PDK3: variants seen among roughly 807,000 people sequenced by gnomAD.
The protein encoded by PDK3 is pyruvate dehydrogenase kinase 3.
In PDK3, 12 loss-of-function variants were observed where a neutral mutation model predicts 32.0. That is an observed-to-expected ratio of 0.37 (90% CI 0.24 to 0.61). PDK3 has a LOEUF of 0.61. Ranked by LOEUF, PDK3 falls within the 20% of genes least tolerant of loss-of-function variation. The pLI is 0.65. For missense variants in PDK3, 188 were observed against 316.9 expected (o/e 0.59, Z 3.09); for synonymous variants, 122 against 116.3 (o/e 1.05, Z -0.31).
At chrX:24,467,040 C>T (rs1940070986) in intron 1 of PDK3, among the ~76,000 whole-genome samples, 1 of 111,961 alleles carries the variant, frequency 8.9e-6, no homozygotes, top group Non-Finnish European at 1.9e-5. Context: ...CTCCAATAGC[C>T]AGCCAAAATT....
chrX:24,493,415 G>A (rs1181217671), intron 1 of PDK3, among the ~76,000 whole-genome samples: 1 of 111,580 alleles, frequency 9.0e-6, no homozygotes, highest in Admixed American at 9.5e-5. Context: ...AATATGACTG[G>A]AAGTGTTAGA....
chrX:24,510,318 A>G (rs761965556), intron 5 of PDK3, among the ~76,000 whole-genome samples: 1 of 112,511 alleles, frequency 8.9e-6, no homozygotes, highest in East Asian at 2.8e-4. Flanking sequence ...TAGTAATCAC[A>G]TTTTACGGTT....
exon 12 of PDK3, chrX:24,547,316 T>C (rs1434649817): frequency 1.8e-5 from 2 of 112,647 alleles, no homozygotes; most frequent in African/African-American, 6.4e-5. Flanking sequence ...AAAGTATTTC[T>C]CTGTTCTATA....
intron 5 of PDK3, among the ~76,000 whole-genome samples, chrX:24,515,426 C>A (rs1452234272): frequency 1.8e-5 from 2 of 112,316 alleles, no homozygotes; most frequent in African/African-American, 6.5e-5. Context: ...TGCTACTGGG[C>A]AAGCGAATTC....
chrX:24,539,185 T>C, downstream of PDK3: 1 of 1,074,032 alleles, frequency 9.3e-7, no homozygotes, highest in Non-Finnish European at 1.3e-6. Context: ...GCTGTGGTCC[T>C]CTCTGTGAAG....
intron 2 of PDK3, among the ~76,000 whole-genome samples, chrX:24,497,799 A>G (rs1478422265): frequency 1.8e-5 from 2 of 112,580 alleles, no homozygotes; most frequent in Non-Finnish European, 3.8e-5. Flanking sequence ...AATAATTAGA[A>G]TAAAGGGATA....
At chrX:24,521,030 G>A (rs1922382646) in intron 6 of PDK3, among the ~76,000 whole-genome samples, 1 of 111,290 alleles carries the variant, frequency 9.0e-6, no homozygotes, top group Non-Finnish European at 1.9e-5. Context: ...TGTAATCCCA[G>A]CACTTTGGGA....
At chrX:24,496,576 T>TTTTTTTTTTTTTTTTTTTTTTTTTTG (rs1921711490) in intron 2 of PDK3, among the ~76,000 whole-genome samples, 1 of 86,491 alleles carries the variant, frequency 1.2e-5, no homozygotes, top group African/African-American at 4.4e-5. Flanking sequence ...ATCTTTTTTT[T>TTTTTTTTTTTTTTTTTTTTTTTTTTG]TTTTTTTTTT....
intron 1 of PDK3, among the ~76,000 whole-genome samples, chrX:24,492,997 C>CAAAAAA: frequency 1.4e-5 from 1 of 72,381 alleles, no homozygotes. Flanking sequence ...AACACTCCGT[C>CAAAAAA]AAAAAAAAAA....
chrX:24,521,194 G>A (rs182554865), intron 6 of PDK3, among the ~76,000 whole-genome samples: 10 of 104,454 alleles, frequency 9.6e-5, no homozygotes, highest in Middle Eastern at 5.0e-3. Flanking sequence ...TGGGAGGATC[G>A]CTTGAGCCCA....
rs149973131 is a variant in PDK3 at position 24,498,922 on chromosome X, T to G, written c.320+22T>G. 45,456 of 960,062 alleles carry G rather than the reference T, an allele frequency of 0.047. 923 individuals are homozygous for G. Among genetic ancestry groups the G allele is most frequent in the Non-Finnish European group, 0.055 (38,936 of 702,657 alleles). The allele number at this position is 960,062 out of a possible 1,213,427, so 79.1% of individuals were successfully genotyped here. A position where few individuals can be genotyped will look rare whatever the true frequency, so the allele number is the denominator to read the frequency against. On this transcript the variant is annotated intron_variant, in intron 3 of 10. Coordinates refer to ENST00000379162, the MANE Select transcript of PDK3 (RefSeq NM_005391.5). ...ATAAGTAAGTATGGTACCACTTAGC[T>G]GAAAGTAAAAATATCTAGGTAAGAA...
chrX:24,509,265 T>C (rs1317107645), intron 5 of PDK3, among the ~76,000 whole-genome samples: 2 of 111,504 alleles, frequency 1.8e-5, no homozygotes, highest in Admixed American at 1.9e-4. Context: ...TCCCCTCCTT[T>C]TTCTTCCCTC....
intron 1 of PDK3, among the ~76,000 whole-genome samples, chrX:24,470,322 T>A (rs1920977571): frequency 8.9e-6 from 1 of 112,014 alleles, no homozygotes; most frequent in African/African-American, 3.2e-5. Flanking sequence ...TAGCTTTCTC[T>A]ATTCTGTGTT....
exon 12 of PDK3, chrX:24,546,117 C>T (rs970625596): frequency 4.5e-5 from 5 of 111,741 alleles, no homozygotes; most frequent in African/African-American, 1.6e-4. Context: ...GGGACCCTGT[C>T]GAGGTCCCCA....
At chrX:24,524,422 A>G (rs1922474182) in intron 6 of PDK3, among the ~76,000 whole-genome samples, 1 of 111,671 alleles carries the variant, frequency 9.0e-6, no homozygotes, top group Non-Finnish European at 1.9e-5. Flanking sequence ...AATGGCATGG[A>G]CCAACTATGA....
intron 1 of PDK3, among the ~76,000 whole-genome samples, chrX:24,489,300 A>T (rs867072467): frequency 8.9e-6 from 1 of 112,275 alleles, no homozygotes; most frequent in Non-Finnish European, 1.9e-5. Flanking sequence ...ATATATAATT[A>T]AGGTGTCTGA....
chrX:24,495,636 A>G (rs951521429), intron 2 of PDK3, among the ~76,000 whole-genome samples: 1 of 112,659 alleles, frequency 8.9e-6, no homozygotes, highest in Non-Finnish European at 1.9e-5. Flanking sequence ...TGGAGCTTCC[A>G]TGCCCACTCT....
chrX:24,491,446 G>A (rs745997241), intron 1 of PDK3, among the ~76,000 whole-genome samples: 29 of 110,965 alleles, frequency 2.6e-4, no homozygotes, highest in Non-Finnish European at 5.1e-4. Context: ...TATAGCCAAG[G>A]AGCAGAGTGT....
intron 5 of PDK3, among the ~76,000 whole-genome samples, chrX:24,506,395 C>G (rs1488953893): frequency 1.8e-5 from 2 of 112,147 alleles, no homozygotes; most frequent in African/African-American, 6.5e-5. Flanking sequence ...TTCATTAGGC[C>G]TTAGCTCAGT....
Sources: allele counts gnomAD v4.1 joint callset (sites outside exome capture counted in the v4.1 genomes callset), GRCh38; gene constraint gnomAD v4.1.1; transcripts MANE v1.5; gene names NCBI Gene and HGNC (gene_info 2026-07-23, HGNC 2026-07-21).